RGS6: variants seen among roughly 807,000 people sequenced by gnomAD.
The protein encoded by RGS6 is regulator of G protein signaling 6, also known as regulator of G-protein signaling 6.
A neutral mutation model predicts 78.5 loss-of-function variants in RGS6; 30 were observed. That is an observed-to-expected ratio of 0.38 (90% CI 0.29 to 0.52). The LOEUF is 0.52. RGS6 is among the 20% of genes least tolerant of loss of function. The probability of loss-of-function intolerance (pLI) is 0.85; values close to 1 mark genes in which losing one functional copy is unlikely to be tolerated. For missense variants in RGS6, 495 were observed against 609.7 expected (o/e 0.81, Z 1.98); for synonymous variants, 206 against 206.0 (o/e 1.00, Z 0.00).
At chr14:72,186,246 C>G (rs532971577) in intron 2 of RGS6, among the ~76,000 whole-genome samples, 10 of 152,336 alleles carry the variant, frequency 6.6e-5, no homozygotes, top group African/African-American at 2.2e-4. Flanking sequence ...TCAATGTAGA[C>G]AAAATCTGTC....
At chr14:72,181,206 C>G (rs2097169524) in intron 2 of RGS6, among the ~76,000 whole-genome samples, 1 of 152,154 alleles carries the variant, frequency 6.6e-6, no homozygotes, top group African/African-American at 2.4e-5. Context: ...TTGGTTAGTT[C>G]AGTGTGGGGA....
intron 3 of RGS6, among the ~76,000 whole-genome samples, chr14:72,387,630 G>T (rs2088638006): frequency 6.6e-6 from 1 of 151,906 alleles, no homozygotes; most frequent in East Asian, 1.9e-4. Context: ...AGAAAAAAAT[G>T]TACATATATA....
intron 9 of RGS6, among the ~76,000 whole-genome samples, chr14:72,473,414 A>G (rs1347961181): frequency 6.6e-6 from 1 of 152,240 alleles, no homozygotes; most frequent in Non-Finnish European, 1.5e-5. Flanking sequence ...ACTGCACTCC[A>G]GCCTCGGCAA....
intron 2 of RGS6, among the ~76,000 whole-genome samples, chr14:72,173,181 G>A (rs956079028): frequency 6.6e-6 from 1 of 151,996 alleles, no homozygotes; most frequent in Non-Finnish European, 1.5e-5. Flanking sequence ...GTTTTTGGTG[G>A]TTATGCTTCG....
At chr14:71,924,903 A>G in the RGS6 span, among the ~76,000 whole-genome samples, 19 of 152,194 alleles carry the variant, frequency 1.2e-4, no homozygotes, top group African/African-American at 4.1e-4. Context: ...ATATCTCTTC[A>G]GCATCATGGA....
intron 10 of RGS6, 98 bp from the exon 11 acceptor site, chr14:72,476,644 G>A: frequency 1.2e-6 from 1 of 801,854 alleles, no homozygotes; most frequent in Admixed American, 2.4e-5. Context: ...TGTCATGAGG[G>A]GATTCACGAA....
intron 2 of RGS6, among the ~76,000 whole-genome samples, chr14:72,311,509 A>G (rs1005051269): frequency 2.0e-5 from 3 of 152,096 alleles, no homozygotes; most frequent in Non-Finnish European, 4.4e-5. Context: ...ATAATAGGGA[A>G]GAAAACATTA....
chr14:72,110,256 AT>A, intron 2 of RGS6, among the ~76,000 whole-genome samples: 1 of 152,202 alleles, frequency 6.6e-6, no homozygotes, highest in East Asian at 1.9e-4. Context: ...GAAGAGACTT[AT>A]TTTAACTCAG....
At chr14:71,869,223 C>T in the RGS6 span, among the ~76,000 whole-genome samples, 4 of 152,306 alleles carry the variant, frequency 2.6e-5, no homozygotes, top group South Asian at 2.1e-4. Flanking sequence ...ATGCCAGATT[C>T]GCCTTTAAAA....
At chr14:71,951,380 G>A (rs990875570) in intron 1 of RGS6, among the ~76,000 whole-genome samples, 7 of 152,018 alleles carry the variant, frequency 4.6e-5, no homozygotes, top group African/African-American at 1.7e-4. Flanking sequence ...GAGAGGGAGG[G>A]GAAAAACACC....
chr14:72,415,011 TGAG>T (rs1014542727), intron 3 of RGS6, among the ~76,000 whole-genome samples: 2 of 152,150 alleles, frequency 1.3e-5, no homozygotes, highest in Admixed American at 1.3e-4. Flanking sequence ...GGGACCCACT[TGAG>T]GAGGCAGTCT....
intron 2 of RGS6, among the ~76,000 whole-genome samples, chr14:72,165,214 G>T (rs754819217): frequency 6.6e-6 from 1 of 152,228 alleles, no homozygotes; most frequent in East Asian, 1.9e-4. Flanking sequence ...AGCATAATGC[G>T]TATGTGCAGT....
intron 2 of RGS6, among the ~76,000 whole-genome samples, chr14:72,106,305 C>T (rs1019534434): frequency 6.6e-6 from 1 of 152,160 alleles, no homozygotes; most frequent in African/African-American, 2.4e-5. Context: ...GTCTCCAGAT[C>T]AGCATTGCCT....
chr14:72,326,121 T>C (rs1363609392), intron 2 of RGS6, among the ~76,000 whole-genome samples: 1 of 152,208 alleles, frequency 6.6e-6, no homozygotes, highest in Non-Finnish European at 1.5e-5. Context: ...TGCTTTGTCA[T>C]ATTGTTTGTG....
chr14:72,467,393 C>T (rs1459915588), intron 7 of RGS6, among the ~76,000 whole-genome samples: 2 of 152,136 alleles, frequency 1.3e-5, no homozygotes, highest in African/African-American at 4.8e-5. Context: ...CGCCAAAGCC[C>T]TTCCTGCTTT....
intron 15 of RGS6, among the ~76,000 whole-genome samples, chr14:72,523,433 TA>T (rs2097077164): frequency 6.6e-6 from 1 of 152,178 alleles, no homozygotes; most frequent in Non-Finnish European, 1.5e-5. Flanking sequence ...ATGGTTCTCA[TA>T]AACCCCCTGC....
intron 15 of RGS6, among the ~76,000 whole-genome samples, chr14:72,524,672 G>A (rs962825427): frequency 3.9e-5 from 6 of 152,164 alleles, no homozygotes; most frequent in Non-Finnish European, 5.9e-5. Context: ...ACCTTGACCC[G>A]TGCGGCATAA....
chr14:72,613,908 G>A, the RGS6 span, among the ~76,000 whole-genome samples: 1 of 152,168 alleles, frequency 6.6e-6, no homozygotes, highest in Non-Finnish European at 1.5e-5. Flanking sequence ...CTGCCTGGGA[G>A]GTTGTCTATC....
chr14:72,423,839 T>A (rs1012695485), intron 3 of RGS6, among the ~76,000 whole-genome samples: 1 of 152,118 alleles, frequency 6.6e-6, no homozygotes, highest in South Asian at 2.1e-4. Flanking sequence ...CAAAACAAAA[T>A]ATTCATTCCC....
Sources: allele counts gnomAD v4.1 joint callset (sites outside exome capture counted in the v4.1 genomes callset), GRCh38; gene constraint gnomAD v4.1.1; transcripts MANE v1.5; gene names NCBI Gene and HGNC (gene_info 2026-07-23, HGNC 2026-07-21).